Variants in KHDRBS1 observed in about 807,000 individuals in gnomAD.
KHDRBS1 encodes KH RNA binding domain containing, signal transduction associated 1.
KHDRBS1 carries 7 observed loss-of-function variants against 48.4 expected under a neutral mutation model. The observed-to-expected ratio is 0.14, with a 90% CI of 0.08 to 0.27. The LOEUF is 0.27. Among genes scored for constraint, KHDRBS1 ranks in the 10% least tolerant of loss-of-function variants. The pLI, the probability that KHDRBS1 is intolerant of heterozygous loss-of-function variation, is 1.00. For missense variants in KHDRBS1, 458 were observed against 601.2 expected, an observed-to-expected ratio of 0.76 and a Z score of 2.49; for synonymous variants, 241 against 235.8, an observed-to-expected ratio of 1.02 and a Z score of -0.20.
At position 32,059,154 on chromosome 1, in the gene KHDRBS1, C is replaced by G. The variant is rs995033260; in HGVS notation, n.1302-1009C>G. ...CCAGCCTGAGTGACAGAGCGAGACTCTGTCTCAGGAGAAAAAAAAAAAAAA... is the reference window on the plus strand; with the variant it reads ...CCAGCCTGAGTGACAGAGCGAGACTGTGTCTCAGGAGAAAAAAAAAAAAAA... On this transcript the variant is annotated intron_variant and non_coding_transcript_variant, in intron 10 of 10. Coordinates refer to the KHDRBS1 transcript ENST00000484270. Among the ~76,000 whole-genome samples, 3 of 125,790 alleles carry G rather than the reference C, an allele frequency of 2.4e-5. No homozygotes were observed. In the South Asian group the frequency reaches 7.9e-4, roughly 33 times the overall value. The allele number at this position is 125,790 out of a possible 152,430, so 82.5% of individuals were successfully genotyped here.
chr1:32,017,738 G>C (rs1245411401), intron 1 of KHDRBS1, among the ~76,000 whole-genome samples: 3 of 150,740 alleles, frequency 2.0e-5, no homozygotes, highest in Non-Finnish European at 4.4e-5. Flanking sequence ...TTCCCTGGTA[G>C]CTGGGATTAT....
At chr1:32,014,643 C>G (rs1204474001) in intron 1 of KHDRBS1, among the ~76,000 whole-genome samples, 2 of 152,244 alleles carry the variant, frequency 1.3e-5, no homozygotes, top group African/African-American at 4.8e-5. Flanking sequence ...CTCCCCGCCC[C>G]TTTCCCGACT....
rs765730309 is a variant in KHDRBS1, at chr1:32,033,300, A to G, written c.737A>G (p.His246Arg). 6.2e-7 allele frequency: 1 copy of G among 1,614,152 alleles called. No homozygotes were observed. Among genetic ancestry groups the G allele is most frequent in the South Asian group, 1.1e-5 (1 of 91,082 alleles). Residue 246 changes from histidine (H) to arginine (R), a missense_variant, in exon 4 of 9, where the codon CAT (histidine) becomes CGT (arginine). Transcript: ENST00000327300. The part of the protein sequence containing the change: ...PPCEAYALMA[H>R]AMEEVKKFLV... ...TGTGAGGCTTATGCTCTTATGGCCC[A>G]TGCCATGGAGGAAGTCAAGAAATTT...
chr1:32,038,659 A>T, intron 7 of KHDRBS1, 40 bp downstream of exon 7: 1 of 1,584,114 alleles, frequency 6.3e-7, no homozygotes, highest in African/African-American at 1.3e-5. Context: ...TGTCCTGAGG[A>T]TGGATGGAGG....
intron 4 of KHDRBS1, among the ~76,000 whole-genome samples, chr1:32,035,111 C>T (rs1031930059): frequency 6.6e-6 from 1 of 152,038 alleles, no homozygotes; most frequent in Admixed American, 6.6e-5. Flanking sequence ...ATCACCCAAG[C>T]CATTCAATTT....
At chr1:32,033,451 T>A (rs958496095) in intron 4 of KHDRBS1, 117 bp downstream of exon 4, 14 of 1,350,708 alleles carry the variant, frequency 1.0e-5, no homozygotes, top group Non-Finnish European at 1.3e-5. Context: ...TACCAAATTC[T>A]GCACTTATGT....
rs1343159715 is a variant in KHDRBS1, at chr1:32,019,764, TG to T, written c.382+5388del. On this transcript the variant is annotated intron_variant, in intron 1 of 8. Coordinates refer to ENST00000327300, the MANE Select transcript of KHDRBS1 (RefSeq NM_006559.3). ...CATTTATCTGTGATATTGCAGGTTT[TG>T]TTTTTTTGTTTGTTTGTTTGTTTTG... Among the ~76,000 whole-genome samples, 6 of 151,270 alleles carry T rather than the reference TG, an allele frequency of 4.0e-5. No homozygotes were observed. In the South Asian group the frequency reaches 1.0e-3, roughly 26 times the overall value.
At chr1:32,022,814 C>G (rs556201383) in intron 1 of KHDRBS1, among the ~76,000 whole-genome samples, 1 of 151,650 alleles carries the variant, frequency 6.6e-6, no homozygotes, top group East Asian at 1.9e-4. Flanking sequence ...TGCTTGAACC[C>G]GGGAGGCGGA....
intron 3 of KHDRBS1, among the ~76,000 whole-genome samples, chr1:32,032,192 G>A (rs6662484): frequency 0.038 from 5,725 of 152,210 alleles, 350 homozygotes; most frequent in African/African-American, 0.13. Flanking sequence ...AGCCGCGTAC[G>A]CTGTGTACTC....
chr1:32,023,785 A>G (rs1271485171), intron 1 of KHDRBS1, among the ~76,000 whole-genome samples: 1 of 152,218 alleles, frequency 6.6e-6, no homozygotes, highest in African/African-American at 2.4e-5. Context: ...ACCATCAGAC[A>G]ACTGAACATC....
intron 1 of KHDRBS1, among the ~76,000 whole-genome samples, chr1:32,020,743 C>T (rs564365623): frequency 6.6e-6 from 1 of 151,964 alleles, no homozygotes; most frequent in Non-Finnish European, 1.5e-5. Flanking sequence ...ATATAACATT[C>T]TTGAAGAAAC....
intron 3 of KHDRBS1, among the ~76,000 whole-genome samples, chr1:32,032,708 T>G (rs1380191860): frequency 1.3e-5 from 2 of 152,124 alleles, no homozygotes; most frequent in African/African-American, 4.8e-5. Flanking sequence ...TTTACTTTTT[T>G]TTTTTTTCTT....
intron 3 of KHDRBS1, 52 bp downstream of exon 3, chr1:32,031,692 C>T (rs771156139): frequency 1.7e-6 from 2 of 1,162,450 alleles, no homozygotes; most frequent in South Asian, 2.7e-5. Context: ...TCTACTTGCC[C>T]AGAATGCAGT....
chr1:32,031,793 A>G (rs561235322), intron 3 of KHDRBS1, among the ~76,000 whole-genome samples, 153 bp downstream of exon 3: 1 of 152,288 alleles, frequency 6.6e-6, no homozygotes, highest in South Asian at 2.1e-4. Context: ...TTATACACCA[A>G]GTTAATTTAC....
chr1:32,037,148 G>C lies in KHDRBS1; in HGVS notation c.905+105G>C, dbSNP rs996793905. ...TAGCTTAGGAAGGGTCTCAGGATTT[G>C]TATGTTGCATAAAGAACAGAATTCT... On this transcript the variant is annotated intron_variant, in intron 5 of 8. Transcript: ENST00000327300. 3.2e-6 allele frequency: 4 copies of C among 1,260,166 alleles called. No homozygotes were observed. The East Asian group carries it at 9.6e-5, about 30-fold the overall frequency. 78.1% of individuals were successfully genotyped at this position (1,260,166 alleles called of 1,614,324 possible).
rs192721084 is a variant in KHDRBS1, at chr1:32,021,066, A to G, written c.382+6689A>G. 2.9e-3 allele frequency among the ~76,000 whole-genome samples: 445 copies of G among 152,328 alleles called. 1 individual carries two copies. Among genetic ancestry groups the G allele is most frequent in the Non-Finnish European group, 4.2e-3 (285 of 68,032 alleles). On this transcript the variant is annotated intron_variant, in intron 1 of 8. Transcript: ENST00000327300. ...AATGTTATGGGGAAAACTAAAGTAT[A>G]CAGGATCTCTGTTATTTCTTAGAAC...
At chr1:32,016,637 A>G (rs1638745740) in intron 1 of KHDRBS1, among the ~76,000 whole-genome samples, 1 of 152,122 alleles carries the variant, frequency 6.6e-6, no homozygotes. Context: ...TCCTCCAGGC[A>G]CCTTTGACCA....
downstream of KHDRBS1, among the ~76,000 whole-genome samples, chr1:32,048,316 G>A (rs932755810): frequency 2.0e-5 from 3 of 152,060 alleles, no homozygotes; most frequent in Non-Finnish European, 2.9e-5. Context: ...AAGACAAGCC[G>A]GGACAACATA....
At chr1:32,020,242 G>C (rs72876666) in intron 1 of KHDRBS1, among the ~76,000 whole-genome samples, 5,141 of 150,876 alleles carry the variant, frequency 0.034, 287 homozygotes, top group African/African-American at 0.12. Flanking sequence ...AATTAGCTGA[G>C]AATGGCGGCA....
Sources: allele counts gnomAD v4.1 joint callset (sites outside exome capture counted in the v4.1 genomes callset), GRCh38; gene constraint gnomAD v4.1.1; transcripts MANE v1.5; gene names NCBI Gene and HGNC (gene_info 2026-07-23, HGNC 2026-07-21).